Variants in PCLAF observed in about 807,000 individuals in gnomAD.
The protein encoded by PCLAF is PCNA-associated factor.
Under a neutral mutation model 15.1 loss-of-function variants are expected in PCLAF, and 12 were observed. The observed-to-expected ratio is 0.79, with a 90% CI of 0.51 to 1.29. PCLAF has a LOEUF of 1.29. Ranked by LOEUF, PCLAF falls within the 50% of genes most tolerant of loss-of-function variation. The pLI, the probability that PCLAF is intolerant of heterozygous loss-of-function variation, is 0.00. For synonymous variants in PCLAF, 33 were observed against 47.1 expected (o/e 0.70, Z 1.22); for missense variants, 116 against 130.9 (o/e 0.89, Z 0.56).
At position 64,365,737 on chromosome 15, in the gene PCLAF, A is replaced by G; in HGVS notation, c.*293T>C. Reference sequence around the variant, plus strand: ...AATCTAAGCAAATCTCAAATACAACATACTTGTAATTAGAACACAATGCAA... The same window carrying G: ...AATCTAAGCAAATCTCAAATACAACGTACTTGTAATTAGAACACAATGCAA... On this transcript the variant is annotated 3_prime_UTR_variant, in exon 4 of 4. Coordinates refer to ENST00000300035, the MANE Select transcript of PCLAF (RefSeq NM_014736.6). 2.9e-6 allele frequency: 1 copy of G among 345,672 alleles called. No individual in the cohort carries two copies. The highest frequency in any genetic ancestry group is 5.2e-6 in the Non-Finnish European group (1 of 190,858). 21.4% of individuals were successfully genotyped at this position (345,672 alleles called of 1,614,324 possible).
intron 3 of PCLAF, among the ~76,000 whole-genome samples, chr15:64,367,224 G>A (rs924314091): frequency 6.6e-6 from 1 of 152,030 alleles, no homozygotes; most frequent in Admixed American, 6.6e-5. Flanking sequence ...CAAAGTCAGG[G>A]AGGGCCCTGT....
At chr15:64,376,390 A>T (rs747895550) in intron 3 of PCLAF, among the ~76,000 whole-genome samples, 4 of 151,712 alleles carry the variant, frequency 2.6e-5, no homozygotes, top group Non-Finnish European at 4.4e-5. Flanking sequence ...TAATTAATTA[A>T]TTTTTTATTT....
At chr15:64,367,588 G>A (rs1034404907) in intron 3 of PCLAF, among the ~76,000 whole-genome samples, 2 of 151,454 alleles carry the variant, frequency 1.3e-5, no homozygotes, top group African/African-American at 2.4e-5. Context: ...TCGCTCTGTC[G>A]CCAGGCTGGA....
chr15:64,367,774 T>A (rs1283359160), intron 3 of PCLAF, among the ~76,000 whole-genome samples: 1 of 151,794 alleles, frequency 6.6e-6, no homozygotes, highest in African/African-American at 2.4e-5. Context: ...GGTCTTGGTC[T>A]CTTAACTTCA....
At chr15:64,384,751 A>G (rs1030146403), upstream of PCLAF, among the ~76,000 whole-genome samples, 1 of 151,754 alleles carries the variant, frequency 6.6e-6, no homozygotes, top group African/African-American at 2.4e-5. Flanking sequence ...AAAAAAAAAA[A>G]AAAGAAAAGA....
At chr15:64,367,138 G>A (rs372898621) in intron 3 of PCLAF, among the ~76,000 whole-genome samples, 1 of 137,968 alleles carries the variant, frequency 7.2e-6, no homozygotes, top group African/African-American at 2.5e-5. Flanking sequence ...AACAAAAAAA[G>A]AAGAAGAAAA....
intron 3 of PCLAF, among the ~76,000 whole-genome samples, chr15:64,366,479 T>C (rs760399037): frequency 6.6e-6 from 1 of 152,168 alleles, no homozygotes; most frequent in African/African-American, 2.4e-5. Context: ...AGAAAACATA[T>C]AGCAAGTTGT....
intron 3 of PCLAF, among the ~76,000 whole-genome samples, chr15:64,367,918 T>C (rs1011465459): frequency 2.0e-5 from 3 of 152,100 alleles, no homozygotes; most frequent in Non-Finnish European, 4.4e-5. Flanking sequence ...TTTTGGTTTA[T>C]TAGAGCTGAC....
intron 3 of PCLAF, among the ~76,000 whole-genome samples, chr15:64,372,522 G>A (rs1899376429): frequency 6.6e-6 from 1 of 152,212 alleles, no homozygotes; most frequent in African/African-American, 2.4e-5. Flanking sequence ...GCTGAGGCGG[G>A]AGAATGGCAT....
At chr15:64,386,669 C>CG (rs1472433327) in intron 1 of PCLAF, among the ~76,000 whole-genome samples, 2 of 151,484 alleles carry the variant, frequency 1.3e-5, no homozygotes, top group Non-Finnish European at 2.9e-5. Context: ...TCTCCGTGTG[C>CG]GCTCGGGTGA....
At position 64,365,687 on chromosome 15, in the gene PCLAF, C is replaced by T. The variant is rs1353787089; in HGVS notation, c.*343G>A. 4.4e-6 allele frequency: 1 copy of T among 226,414 alleles called. No homozygotes were observed. Among genetic ancestry groups the T allele is most frequent in the Non-Finnish European group, 8.6e-6 (1 of 116,596 alleles). 14.0% of individuals were successfully genotyped at this position (226,414 alleles called of 1,614,324 possible). On this transcript the variant is annotated 3_prime_UTR_variant, in exon 4 of 4. Transcript: ENST00000300035. ...ATGGCACCATTCCAATAATCAAACA[C>T]CAATAAAAATGGCAGCAGTACAACA...
intron 2 of PCLAF, among the ~76,000 whole-genome samples, chr15:64,380,025 C>G (rs1899761006): frequency 6.6e-6 from 1 of 152,148 alleles, no homozygotes; most frequent in Non-Finnish European, 1.5e-5. Flanking sequence ...TGTTCAAACC[C>G]TTAATCTACT....
intron 1 of PCLAF, among the ~76,000 whole-genome samples, chr15:64,386,957 G>T (rs556294968): frequency 6.6e-6 from 1 of 151,452 alleles, no homozygotes; most frequent in Non-Finnish European, 1.5e-5. Context: ...TTGTCTTAGC[G>T]GGGTAGGGAA....
At chr15:64,379,905 A>G (rs560221492) in intron 2 of PCLAF, among the ~76,000 whole-genome samples, 1 of 151,904 alleles carries the variant, frequency 6.6e-6, no homozygotes, top group East Asian at 1.9e-4. Flanking sequence ...TCAAACAAAC[A>G]AACAAACAAA....
At chr15:64,372,780 T>C (rs929651174) in intron 3 of PCLAF, among the ~76,000 whole-genome samples, 1 of 152,146 alleles carries the variant, frequency 6.6e-6, no homozygotes. Context: ...AAGACCATCC[T>C]GGCCAACATG....
rs149871089 is a variant in PCLAF at position 64,365,957 on chromosome 15, C to T, written c.*73G>A. Reference sequence around the variant, plus strand: ...TCAACAAAGCTAATTGGAACAAACACATTTATGTAAATTTACATTCTAGAA... The same window carrying T: ...TCAACAAAGCTAATTGGAACAAACATATTTATGTAAATTTACATTCTAGAA... On this transcript the variant is annotated 3_prime_UTR_variant, in exon 4 of 4. Coordinates refer to ENST00000300035, the MANE Select transcript of PCLAF (RefSeq NM_014736.6). 0.014 allele frequency: 18,103 copies of T among 1,280,198 alleles called. 191 individuals are homozygous for T. The highest frequency in any genetic ancestry group is 0.024 in the Middle Eastern group (127 of 5,368). 79.3% of individuals were successfully genotyped at this position (1,280,198 alleles called of 1,614,324 possible). A position where few individuals can be genotyped will look rare whatever the true frequency, so the allele number is the denominator to read the frequency against.
intron 2 of PCLAF, among the ~76,000 whole-genome samples, chr15:64,378,488 T>G (rs1477934040): frequency 6.6e-6 from 1 of 152,150 alleles, no homozygotes; most frequent in Non-Finnish European, 1.5e-5. Context: ...TCCAGGCTGG[T>G]CTCAAACTCC....
At chr15:64,374,885 GA>G (rs1301583906) in intron 3 of PCLAF, among the ~76,000 whole-genome samples, 1 of 151,006 alleles carries the variant, frequency 6.6e-6, no homozygotes, top group African/African-American at 2.4e-5. Context: ...AGAAAAAAAG[GA>G]AAAAAGGAAT....
At position 64,364,998 on chromosome 15, in the gene PCLAF, T is replaced by TTC. The variant is rs1555406779; in HGVS notation, c.*1031_*1032insGA. 6.9e-6 allele frequency: 1 copy of TTC among 144,920 alleles called. No individual in the cohort carries two copies. Among genetic ancestry groups the TTC allele is most frequent in the Non-Finnish European group, 1.5e-5 (1 of 66,216 alleles). The allele number at this position is 144,920 out of a possible 1,614,324, so 9.0% of individuals were successfully genotyped here. A position where few individuals can be genotyped will look rare whatever the true frequency, so the allele number is the denominator to read the frequency against. ...TGCACTCAGCCTTTTTTAAAATTTT[T>TTC]TTTTTTTTTTTTTTTGAGACGGAGT... On this transcript the variant is annotated 3_prime_UTR_variant, in exon 4 of 4. Coordinates refer to ENST00000300035, the MANE Select transcript of PCLAF (RefSeq NM_014736.6).
Sources: gnomAD v4.1 joint callset for allele counts (sites outside exome capture counted in the v4.1 genomes callset) on GRCh38, gnomAD v4.1.1 for gene constraint, MANE v1.5 for transcripts, NCBI Gene and HGNC (gene_info 2026-07-23, HGNC 2026-07-21) for gene names.